Variants in GRM5 observed in about 807,000 individuals in gnomAD.
GRM5 encodes the protein glutamate metabotropic receptor 5.
GRM5 carries 19 observed loss-of-function variants against 83.1 expected under a neutral mutation model. The observed-to-expected ratio is 0.23, with a 90% CI of 0.16 to 0.34. GRM5 has a LOEUF of 0.34. Ranked by LOEUF, GRM5 falls within the 10% of genes least tolerant of loss-of-function variation. GRM5 has a pLI of 1.00. For synonymous variants in GRM5, 675 were observed against 633.6 expected (o/e 1.07, Z -0.98); for missense variants, 1,160 against 1,588.3 (o/e 0.73, Z 4.58).
chr11:88,738,115 A>T (rs578224859), intron 3 of GRM5, among the ~76,000 whole-genome samples: 1 of 152,126 alleles, frequency 6.6e-6, no homozygotes, highest in East Asian at 1.9e-4. Context: ...AATCACAAGA[A>T]TTTTTTGAAA....
intron 4 of GRM5, among the ~76,000 whole-genome samples, chr11:88,608,194 A>G (rs1938212653): frequency 6.6e-6 from 1 of 152,138 alleles, no homozygotes; most frequent in South Asian, 2.1e-4. Context: ...TAATAAACCC[A>G]TTTCCCATAA....
At chr11:88,945,550 A>G (rs373479444) in intron 2 of GRM5, among the ~76,000 whole-genome samples, 13 of 152,100 alleles carry the variant, frequency 8.5e-5, no homozygotes, top group African/African-American at 3.1e-4. Flanking sequence ...ACAGGGAGAT[A>G]GACCAACGGA....
intron 2 of GRM5, among the ~76,000 whole-genome samples, chr11:88,882,743 T>C (rs1212925066): frequency 2.0e-5 from 3 of 152,160 alleles, no homozygotes; most frequent in South Asian, 4.1e-4. Context: ...TTATTATTAT[T>C]AATTATTTGT....
intron 2 of GRM5, chr11:89,008,987 C>T: frequency 1.5e-6 from 1 of 646,266 alleles, no homozygotes. Flanking sequence ...TTTTTACTTA[C>T]AACTAATTAG....
intron 3 of GRM5, among the ~76,000 whole-genome samples, chr11:88,772,589 T>C (rs1942761869): frequency 6.6e-6 from 1 of 152,066 alleles, no homozygotes; most frequent in Non-Finnish European, 1.5e-5. Context: ...CCTAATGCTA[T>C]TTCTCCCCCA....
intron 3 of GRM5, among the ~76,000 whole-genome samples, chr11:88,738,005 CAGT>C (rs1285555990): frequency 6.6e-6 from 1 of 151,838 alleles, no homozygotes; most frequent in Non-Finnish European, 1.5e-5. Context: ...AGAATAAAGA[CAGT>C]TGTGAAATTT....
intron 8 of GRM5, among the ~76,000 whole-genome samples, chr11:88,537,741 T>C (rs1262155813): frequency 5.9e-5 from 9 of 152,280 alleles, no homozygotes; most frequent in Non-Finnish European, 1.5e-5. Flanking sequence ...TCTTGTGGTC[T>C]CCGTGCGCAG....
chr11:88,671,679 G>T (rs781004554), intron 3 of GRM5, among the ~76,000 whole-genome samples: 1 of 152,032 alleles, frequency 6.6e-6, no homozygotes, highest in Non-Finnish European at 1.5e-5. Flanking sequence ...GAAAGGAGAA[G>T]ATTATACATA....
intron 3 of GRM5, among the ~76,000 whole-genome samples, chr11:88,724,365 T>C (rs1239490830): frequency 6.6e-6 from 1 of 152,092 alleles, no homozygotes; most frequent in East Asian, 1.9e-4. Context: ...TTACACTGTG[T>C]CCTAAAGTTA....
chr11:88,531,375 G>T (rs1041550495), intron 8 of GRM5, among the ~76,000 whole-genome samples: 8 of 152,124 alleles, frequency 5.3e-5, no homozygotes, highest in Non-Finnish European at 1.0e-4. Flanking sequence ...ACTCTATATG[G>T]TTTGGAAGGG....
chr11:88,956,315 A>G (rs1416874685), intron 2 of GRM5, among the ~76,000 whole-genome samples: 2 of 152,226 alleles, frequency 1.3e-5, no homozygotes, highest in Non-Finnish European at 2.9e-5. Context: ...GATAGACGAT[A>G]TTTATCATGG....
chr11:89,037,009 C>CA (rs1941404475), intron 2 of GRM5, among the ~76,000 whole-genome samples: 1 of 151,990 alleles, frequency 6.6e-6, no homozygotes. Context: ...TTGGGACACT[C>CA]AGAGAATAGT....
intron 2 of GRM5, among the ~76,000 whole-genome samples, chr11:88,885,682 T>G (rs1309315904): frequency 6.6e-6 from 1 of 151,792 alleles, no homozygotes; most frequent in Non-Finnish European, 1.5e-5. Context: ...TAAAAAAAAA[T>G]CTCCAGTCTC....
intron 2 of GRM5, among the ~76,000 whole-genome samples, chr11:88,964,375 T>C (rs889627477): frequency 6.6e-6 from 1 of 151,854 alleles, no homozygotes; most frequent in African/African-American, 2.4e-5. Flanking sequence ...CAGAGGGTTT[T>C]TTTTTTAAAG....
At chr11:88,534,252 A>G (rs1378625318) in intron 8 of GRM5, among the ~76,000 whole-genome samples, 5 of 152,172 alleles carry the variant, frequency 3.3e-5, no homozygotes, top group African/African-American at 1.2e-4. Context: ...CAGAATGTAG[A>G]TCCACTGACG....
intron 2 of GRM5, among the ~76,000 whole-genome samples, chr11:88,892,248 G>C (rs1945158103): frequency 6.6e-6 from 1 of 150,778 alleles, no homozygotes; most frequent in South Asian, 2.1e-4. Flanking sequence ...CCCCTTTAAA[G>C]AGTCAATCTC....
intron 2 of GRM5, among the ~76,000 whole-genome samples, chr11:88,908,375 T>C (rs1565287222): frequency 2.6e-5 from 4 of 152,104 alleles, no homozygotes; most frequent in Non-Finnish European, 5.9e-5. Flanking sequence ...TTTCTAGTAA[T>C]ATGAATAAAA....
At chr11:88,511,291 C>T (rs774110198) in intron 9 of GRM5, among the ~76,000 whole-genome samples, 29 of 152,194 alleles carry the variant, frequency 1.9e-4, no homozygotes, top group Non-Finnish European at 3.7e-4. Flanking sequence ...GGGCGTGTAC[C>T]TCATTTGGAA....
chr11:89,017,628 C>A (rs759550851), intron 2 of GRM5, among the ~76,000 whole-genome samples: 1 of 152,186 alleles, frequency 6.6e-6, no homozygotes, highest in Non-Finnish European at 1.5e-5. Flanking sequence ...GCCAAGGTAA[C>A]AGAGCTACTA....
Sources: allele counts gnomAD v4.1 joint callset (sites outside exome capture counted in the v4.1 genomes callset), GRCh38; gene constraint gnomAD v4.1.1; transcripts MANE v1.5; gene names NCBI Gene and HGNC (gene_info 2026-07-23, HGNC 2026-07-21).